PIK3C2A: variants seen among roughly 807,000 people sequenced by gnomAD.
The protein encoded by PIK3C2A is phosphatidylinositol 4-phosphate 3-kinase C2 domain-containing subunit alpha.
A neutral mutation model predicts 204.5 loss-of-function variants in PIK3C2A; 97 were observed. The observed-to-expected ratio is 0.47, with a 90% CI of 0.40 to 0.56. The LOEUF (loss-of-function observed/expected upper bound fraction) is 0.56. PIK3C2A is among the 20% of genes least tolerant of loss of function. The probability of loss-of-function intolerance (pLI) is 0.00; values close to 1 mark genes in which losing one functional copy is unlikely to be tolerated. For missense variants in PIK3C2A, 1,735 were observed against 1,969.2 expected (o/e 0.88, Z 2.25); for synonymous variants, 653 against 664.4 (o/e 0.98, Z 0.26).
chr11:17,102,294 G>A (rs912533801), intron 24 of PIK3C2A, among the ~76,000 whole-genome samples: 5 of 152,136 alleles, frequency 3.3e-5, no homozygotes, highest in East Asian at 1.9e-4. Flanking sequence ...AAAATTAGCC[G>A]GGCGTGGTGG....
chr11:17,107,176 C>T (rs774978749), intron 22 of PIK3C2A, among the ~76,000 whole-genome samples: 3 of 151,928 alleles, frequency 2.0e-5, no homozygotes, highest in Admixed American at 1.3e-4. Context: ...AGCCGGGTGT[C>T]GTGGCGGAAG....
chr11:17,132,580 C>T (rs1037706082), intron 11 of PIK3C2A, among the ~76,000 whole-genome samples: 7 of 151,996 alleles, frequency 4.6e-5, no homozygotes, highest in Admixed American at 2.0e-4. Flanking sequence ...CCACCCGCCT[C>T]GGCCTCCCAA....
At chr11:17,112,339 G>A (rs1275547767) in intron 21 of PIK3C2A, among the ~76,000 whole-genome samples, 1 of 152,070 alleles carries the variant, frequency 6.6e-6, no homozygotes, top group African/African-American at 2.4e-5. Context: ...TGTAATCTCA[G>A]CTACTTGGGA....
At chr11:17,163,649 A>G (rs1420645569) in intron 2 of PIK3C2A, among the ~76,000 whole-genome samples, 1 of 151,974 alleles carries the variant, frequency 6.6e-6, no homozygotes, top group Non-Finnish European at 1.5e-5. Flanking sequence ...CTTGGCCTCA[A>G]GCAATCCTCC....
chr11:17,139,802 C>T (rs1001982289), intron 8 of PIK3C2A, among the ~76,000 whole-genome samples: 1 of 152,164 alleles, frequency 6.6e-6, no homozygotes, highest in African/African-American at 2.4e-5. Flanking sequence ...AGTCCTCACA[C>T]TCTGATTCTG....
At chr11:17,151,682 T>C (rs1850431490) in intron 3 of PIK3C2A, among the ~76,000 whole-genome samples, 1 of 152,154 alleles carries the variant, frequency 6.6e-6, no homozygotes, top group African/African-American at 2.4e-5. Flanking sequence ...ATACTACTAC[T>C]TACCTGATAG....
chr11:17,139,917 T>C (rs982246590), intron 8 of PIK3C2A, among the ~76,000 whole-genome samples: 4 of 152,116 alleles, frequency 2.6e-5, no homozygotes, highest in Admixed American at 1.3e-4. Flanking sequence ...GATTCAACAG[T>C]CCTCAATTTC....
At chr11:17,137,162 G>T (rs977488447) in intron 8 of PIK3C2A, among the ~76,000 whole-genome samples, 2 of 152,118 alleles carry the variant, frequency 1.3e-5, no homozygotes, top group South Asian at 4.1e-4. Flanking sequence ...CTGAAACTCA[G>T]TACTATACCA....
At chr11:17,120,014 CATA>C in intron 15 of PIK3C2A, 40 bp from the exon 16 acceptor site, 1 of 858,500 alleles carries the variant, frequency 1.2e-6, no homozygotes, top group Non-Finnish European at 1.8e-6. Flanking sequence ...TCAGTGATAA[CATA>C]ATGATATAAT....
chr11:17,194,786 G>T (rs2137563160), intron 1 of PIK3C2A, among the ~76,000 whole-genome samples: 1 of 152,110 alleles, frequency 6.6e-6, no homozygotes, highest in African/African-American at 2.4e-5. Flanking sequence ...GCACATGCCT[G>T]TTATCCCAGC....
chr11:17,182,732 A>G (rs1407204746), intron 1 of PIK3C2A, among the ~76,000 whole-genome samples: 3 of 152,218 alleles, frequency 2.0e-5, no homozygotes, highest in African/African-American at 7.2e-5. Context: ...GGATAAGACT[A>G]TAACAAACTT....
chr11:17,171,884 C>G (rs1202880430), intron 1 of PIK3C2A, among the ~76,000 whole-genome samples: 3 of 152,130 alleles, frequency 2.0e-5, no homozygotes, highest in Non-Finnish European at 2.9e-5. Flanking sequence ...CAGGCATGAT[C>G]CACTGTGCCT....
chr11:17,128,957 G>A (rs1329697097), intron 13 of PIK3C2A, among the ~76,000 whole-genome samples: 3 of 152,282 alleles, frequency 2.0e-5, no homozygotes, highest in Admixed American at 1.3e-4. Flanking sequence ...AAGGAAAAAC[G>A]AAGTTCTTTG....
At chr11:17,154,469 G>A (rs142560060) in intron 3 of PIK3C2A, among the ~76,000 whole-genome samples, 173 of 152,108 alleles carry the variant, frequency 1.1e-3, no homozygotes, top group African/African-American at 4.0e-3. Context: ...AATGTTCTGG[G>A]AACCCCAAAT....
intron 6 of PIK3C2A, among the ~76,000 whole-genome samples, chr11:17,146,202 G>T (rs1434243083): frequency 3.9e-5 from 6 of 152,008 alleles, no homozygotes; most frequent in African/African-American, 1.5e-4. Context: ...AATAGCTTTT[G>T]GAACAAAAAC....
intron 27 of PIK3C2A, among the ~76,000 whole-genome samples, chr11:17,096,196 A>AACTT (rs1379514846): frequency 6.6e-5 from 10 of 152,016 alleles, no homozygotes; most frequent in African/African-American, 2.4e-4. Context: ...ATGCCACCAC[A>AACTT]TCCAGCTAAT....
intron 30 of PIK3C2A, 50 bp from the exon 31 acceptor site, chr11:17,091,706 G>A (rs758024456): frequency 1.9e-5 from 23 of 1,227,796 alleles, no homozygotes; most frequent in South Asian, 2.6e-5. Flanking sequence ...AGTGGTTCAA[G>A]CTGCAATAAA....
At chr11:17,090,030 G>GT in intron 32 of PIK3C2A, 110 bp from the exon 33 acceptor site, 1 of 756,284 alleles carries the variant, frequency 1.3e-6, no homozygotes, top group South Asian at 1.8e-5. Context: ...ACCACAATGA[G>GT]TGACACTGAT....
At chr11:17,187,996 T>C (rs2137543084) in intron 1 of PIK3C2A, among the ~76,000 whole-genome samples, 1 of 152,258 alleles carries the variant, frequency 6.6e-6, no homozygotes, top group Non-Finnish European at 1.5e-5. Context: ...TAGTTTTAAA[T>C]TTTTCATCAT....
Sources: allele counts gnomAD v4.1 joint callset (sites outside exome capture counted in the v4.1 genomes callset), GRCh38; gene constraint gnomAD v4.1.1; transcripts MANE v1.5; gene names NCBI Gene and HGNC (gene_info 2026-07-23, HGNC 2026-07-21).